The following PLEKHA4 variants were observed in gnomAD, a reference collection of about 807,000 sequenced individuals.
The protein encoded by PLEKHA4 is pleckstrin homology domain-containing family A member 4.
A neutral mutation model predicts 94.7 loss-of-function variants in PLEKHA4; 73 were observed. The observed-to-expected ratio is 0.77, with a 90% CI of 0.64 to 0.94. The LOEUF (loss-of-function observed/expected upper bound fraction) is 0.94, where lower values mean the gene tolerates loss of function less well. Ranked by LOEUF, PLEKHA4 falls within the 40% of genes least tolerant of loss-of-function variation. The probability of loss-of-function intolerance (pLI) is 0.00; values close to 1 mark genes in which losing one functional copy is unlikely to be tolerated. For missense variants in PLEKHA4, 1,049 were observed against 1,054.1 expected, an observed-to-expected ratio of 1.00 and a Z score of 0.07; for synonymous variants, 449 against 437.1, an observed-to-expected ratio of 1.03 and a Z score of -0.34.
At chr19:48,861,307 G>A (rs1599926120) in intron 5 of PLEKHA4, 94 bp downstream of exon 5, 7 of 1,014,326 alleles carry the variant, frequency 6.9e-6, no homozygotes, top group African/African-American at 1.6e-5. Flanking sequence ...ATATTCCAGT[G>A]CTTGTTAGGA....
Position 48,839,275 on chromosome 19 carries a change from T to C in PLEKHA4, c.1906-12A>G, listed in dbSNP as rs199991247. The C allele has an allele frequency of 1.6e-4, 251 of 1,572,936 alleles. No individual in the cohort carries two copies. In the African/African-American group the frequency reaches 2.7e-3, roughly 17 times the overall value. The stretch of plus-strand genomic sequence containing the variant: ...TGTCCTACGACAGGCTGGAAAGGAA[T>C]TGGGGCATTAGAACTCCTCACCTGG... On this transcript the variant is annotated splice_polypyrimidine_tract_variant and intron_variant, in intron 17 of 19. Coordinates refer to ENST00000263265, the MANE Select transcript of PLEKHA4 (RefSeq NM_020904.3).
intron 14 of PLEKHA4, among the ~76,000 whole-genome samples, chr19:48,846,010 CAAA>C (rs1159060833): frequency 1.1e-4 from 8 of 71,270 alleles, no homozygotes; most frequent in African/African-American, 2.0e-4. Context: ...GACTCTGCCT[CAAA>C]AAAAAAAAAA....
At position 48,838,054 on chromosome 19, in the gene PLEKHA4, C is replaced by T. The variant is rs142246074; in HGVS notation, c.2040G>A (p.Leu680=). The T allele has an allele frequency of 5.2e-5, 84 of 1,613,342 alleles. No homozygotes were observed. Among genetic ancestry groups the T allele is most frequent in the Non-Finnish European group, 6.9e-5 (81 of 1,179,872 alleles). ...TGTGCCACTGCGACGCCTCAGTAGC[C>T]AGGGCTTGGGAGAGGCTGAGAACCC... The part of the protein sequence containing the change: ...RERVLSLSQA[L]ATEASQWHRM... Residue 680 remains leucine, a synonymous_variant, in exon 19 of 20, where the codon CTG becomes CTA. Coordinates refer to ENST00000263265, the MANE Select transcript of PLEKHA4 (RefSeq NM_020904.3).
rs1386633499 is a variant in PLEKHA4, at chr19:48,837,249, C to A, written c.*40G>T. 2 of 1,613,770 alleles carry A rather than the reference C, an allele frequency of 1.2e-6. No homozygotes were observed. Among genetic ancestry groups the A allele is most frequent in the Non-Finnish European group, 1.7e-6 (2 of 1,179,944 alleles). The stretch of plus-strand genomic sequence containing the variant: ...CAGATCTCCGGCGGTACCTCCAGAC[C>A]ACGTCCTCGCGCTCCGATTGGCTGC... On this transcript the variant is annotated 3_prime_UTR_variant, in exon 20 of 20. Transcript: ENST00000263265. This position sits in a 1 kb window ranked among gnomAD's most constrained non-coding sequence, Gnocchi z 4.3.
intron 13 of PLEKHA4, 50 bp from the exon 14 acceptor site, chr19:48,848,090 G>A: frequency 1.3e-6 from 2 of 1,583,398 alleles, no homozygotes; most frequent in East Asian, 2.2e-5. Flanking sequence ...AACGCAGGAG[G>A]GTTTCAGCTA....
Position 48,838,144 on chromosome 19 carries a change from A to G in PLEKHA4, c.1965-15T>C. On this transcript the variant is annotated splice_polypyrimidine_tract_variant and intron_variant, in intron 18 of 19. Transcript: ENST00000263265. ...TGTTCCTTGGACTAGAAAAAAAAAGAAGATTGGGGGTGGGGGTGTGTACAT... is the reference window on the plus strand; with the variant it reads ...TGTTCCTTGGACTAGAAAAAAAAAGGAGATTGGGGGTGGGGGTGTGTACAT... 6.8e-7 allele frequency: 1 copy of G among 1,474,614 alleles called. No homozygotes were observed. Among genetic ancestry groups the G allele is most frequent in the Non-Finnish European group, 9.4e-7 (1 of 1,058,570 alleles). The allele number at this position is 1,474,614 out of a possible 1,614,324, so 91.3% of individuals were successfully genotyped here.
intron 6 of PLEKHA4, chr19:48,859,957 G>C: frequency 1.7e-6 from 1 of 578,732 alleles, no homozygotes; most frequent in Non-Finnish European, 3.0e-6. Context: ...GATAATTGGC[G>C]CAGGCCATGT....
intron 8 of PLEKHA4, among the ~76,000 whole-genome samples, chr19:48,858,072 C>T (rs2036493591): frequency 6.6e-6 from 1 of 152,102 alleles, no homozygotes. Flanking sequence ...CAGCTGTGTG[C>T]CACTGTGGGG....
Position 48,856,045 on chromosome 19 carries a change from G to A in PLEKHA4, c.1047+1377C>T, listed in dbSNP as rs1383112847. On this transcript the variant is annotated intron_variant, in intron 9 of 19. Transcript: ENST00000263265. Reference sequence around the variant, plus strand: ...AAATTAGCAGGGCGTGGTGGTGGGTGCCTGTAATCCCAGCTACTCGGGCAG... The same window carrying A: ...AAATTAGCAGGGCGTGGTGGTGGGTACCTGTAATCCCAGCTACTCGGGCAG... 5.3e-5 allele frequency among the ~76,000 whole-genome samples: 8 copies of A among 151,618 alleles called. No individual in the cohort carries two copies. In the East Asian group the frequency reaches 1.6e-3, roughly 30 times the overall value.
In PLEKHA4 at chr19:48,859,620, G is replaced by A. The variant is rs190006725; in HGVS notation, c.541C>T (p.Pro181Ser). ...CCCTCTTCCCCTCTGCTCACCTCCGGGGGACCACCGGGGCCGCCGGGGCCC... is the reference window on the plus strand; with the variant it reads ...CCCTCTTCCCCTCTGCTCACCTCCGAGGGACCACCGGGGCCGCCGGGGCCC... ...GEGPGGPGGP[P>S]EVSRGEEGRI... Residue 181 changes from proline to serine, a missense_variant, in exon 7 of 20, where the codon CCG (proline) becomes TCG (serine). Transcript: ENST00000263265. 58 of 1,613,030 alleles carry A rather than the reference G, an allele frequency of 3.6e-5. No individual in the cohort carries two copies. The Admixed American group carries it at 5.5e-4, about 15-fold the overall frequency.
Position 48,837,995 on chromosome 19 carries a change from T to C in PLEKHA4, c.2077+22A>G. 2.5e-6 allele frequency: 4 copies of C among 1,581,772 alleles called. No individual in the cohort carries two copies. Among genetic ancestry groups the C allele is most frequent in the Non-Finnish European group, 3.5e-6 (4 of 1,152,346 alleles). On this transcript the variant is annotated intron_variant, in intron 19 of 19. Transcript: ENST00000263265. The surrounding 1 kb of genome is among the most constrained non-coding windows in gnomAD (Gnocchi z 4.3). ...CTCTCTCCTCCCTAAAACCCAGAAGTCCAACATCCCCAGCCAGTCACCTGT... is the reference window on the plus strand; with the variant it reads ...CTCTCTCCTCCCTAAAACCCAGAAGCCCAACATCCCCAGCCAGTCACCTGT...
intron 13 of PLEKHA4, 125 bp from the exon 14 acceptor site, chr19:48,848,165 T>C (rs2036039593): frequency 8.1e-6 from 9 of 1,113,384 alleles, no homozygotes; most frequent in Non-Finnish European, 1.2e-5. Flanking sequence ...TTATTTTTTT[T>C]CCCATGTGGT....
intron 14 of PLEKHA4, among the ~76,000 whole-genome samples, chr19:48,846,291 C>T (rs2035967632): frequency 6.9e-6 from 1 of 144,750 alleles, no homozygotes; most frequent in South Asian, 2.2e-4. Flanking sequence ...ACTAAAAATA[C>T]AAAAAAAAAA....
intron 14 of PLEKHA4, among the ~76,000 whole-genome samples, chr19:48,846,203 C>T (rs1195486609): frequency 6.6e-6 from 1 of 151,758 alleles, no homozygotes; most frequent in African/African-American, 2.4e-5. Context: ...CCTGTAATCC[C>T]AGTACTTTGG....
In PLEKHA4 at chr19:48,837,924, G is replaced by C; in HGVS notation, c.2077+93C>G. The C allele has an allele frequency of 9.5e-7, 1 of 1,049,916 alleles. No homozygotes were observed. Among genetic ancestry groups the C allele is most frequent in the Non-Finnish European group, 1.4e-6 (1 of 702,628 alleles). The allele number at this position is 1,049,916 out of a possible 1,614,324, so 65.0% of individuals were successfully genotyped here. A position where few individuals can be genotyped will look rare whatever the true frequency, so the allele number is the denominator to read the frequency against. On this transcript the variant is annotated intron_variant, in intron 19 of 19. Coordinates refer to ENST00000263265, the MANE Select transcript of PLEKHA4 (RefSeq NM_020904.3). The surrounding 1 kb of genome is among the most constrained non-coding windows in gnomAD (Gnocchi z 4.3). ...TCACCAAGATAAAAAATTCTCACCG[G>C]CCCCCAGACCCCTCCTCTCCAGGAC... is the stretch of plus-strand genomic sequence containing the variant.
At chr19:48,865,677 G>T in intron 2 of PLEKHA4, 67 bp from the exon 3 acceptor site, 1 of 1,122,988 alleles carries the variant, frequency 8.9e-7, no homozygotes, top group Non-Finnish European at 1.3e-6. Flanking sequence ...GGGTGAGGGT[G>T]GACACAGGCA....
chr19:48,837,234 G>A lies in PLEKHA4; in HGVS notation c.*55C>T. 2 of 1,612,946 alleles carry A rather than the reference G, an allele frequency of 1.2e-6. No homozygotes were observed. Among genetic ancestry groups the A allele is most frequent in the Admixed American group, 1.7e-5 (1 of 59,992 alleles). ...TGCCCTGAGTGGTCCCAGATCTCCG[G>A]CGGTACCTCCAGACCACGTCCTCGC... On this transcript the variant is annotated 3_prime_UTR_variant, in exon 20 of 20. Coordinates refer to ENST00000263265, the MANE Select transcript of PLEKHA4 (RefSeq NM_020904.3). The surrounding 1 kb of genome is among the most constrained non-coding windows in gnomAD (Gnocchi z 4.3).
At chr19:48,855,070 T>C (rs933211758) in intron 9 of PLEKHA4, among the ~76,000 whole-genome samples, 11 of 152,214 alleles carry the variant, frequency 7.2e-5, no homozygotes, top group African/African-American at 2.6e-4. Context: ...TTCCACATTC[T>C]TGGCTTCAGA....
intron 5 of PLEKHA4, 143 bp downstream of exon 5, chr19:48,861,258 C>T (rs191694729): frequency 5.5e-4 from 415 of 759,764 alleles, no homozygotes; most frequent in Admixed American, 1.4e-3. Context: ...AACGAGGATG[C>T]AATTGACGCT....
Sources: gnomAD v4.1 joint callset for allele counts (sites outside exome capture counted in the v4.1 genomes callset) on GRCh38, gnomAD v4.1.1 for gene constraint, Gnocchi (gnomAD v3.1) non-coding constraint, MANE v1.5 for transcripts, NCBI Gene and HGNC (gene_info 2026-07-23, HGNC 2026-07-21) for gene names.